The following BFAR variants were observed in gnomAD, a reference collection of about 807,000 sequenced individuals.
The protein encoded by BFAR is bifunctional apoptosis regulator.
In BFAR, 52 loss-of-function variants were observed where a neutral mutation model predicts 54.4. That is an observed-to-expected ratio of 0.96 (90% CI 0.77 to 1.21). The LOEUF is 1.21. Ranked by LOEUF, BFAR falls within the 50% of genes most tolerant of loss-of-function variation. BFAR has a pLI of 0.00. For missense variants in BFAR, 571 were observed against 534.0 expected (o/e 1.07, Z -0.68); for synonymous variants, 215 against 204.3 (o/e 1.05, Z -0.45).
At chr16:14,634,566 C>A (rs560604719) in intron 1 of BFAR, among the ~76,000 whole-genome samples, 1 of 152,312 alleles carries the variant, frequency 6.6e-6, no homozygotes, top group Non-Finnish European at 1.5e-5. Context: ...CCGCAGCTCA[C>A]GCCTGTAATC....
At chr16:14,653,658 T>TA (rs1266222249) in intron 4 of BFAR, among the ~76,000 whole-genome samples, 1 of 152,116 alleles carries the variant, frequency 6.6e-6, no homozygotes, top group East Asian at 1.9e-4. Flanking sequence ...GGAAAGCAGA[T>TA]ACGGGATCTC....
intron 5 of BFAR, among the ~76,000 whole-genome samples, chr16:14,659,855 T>G (rs1180587494): frequency 6.6e-6 from 1 of 152,188 alleles, no homozygotes; most frequent in African/African-American, 2.4e-5. Context: ...CCGGTCTCTA[T>G]AGTATACATT....
chr16:14,654,112 C>T (rs1056320420), intron 4 of BFAR, among the ~76,000 whole-genome samples: 1 of 149,292 alleles, frequency 6.7e-6, no homozygotes, highest in Non-Finnish European at 1.5e-5. Flanking sequence ...TCCGGGTTCA[C>T]GCCATTCTTC....
chr16:14,666,178 G>A (rs982749680), intron 7 of BFAR, among the ~76,000 whole-genome samples: 5 of 152,150 alleles, frequency 3.3e-5, no homozygotes, highest in African/African-American at 1.2e-4. Context: ...TGTTCTGATG[G>A]ACCCAGGCTT....
intron 5 of BFAR, among the ~76,000 whole-genome samples, chr16:14,660,343 A>G (rs1246495194): frequency 4.6e-5 from 7 of 152,078 alleles, no homozygotes; most frequent in East Asian, 3.9e-4. Flanking sequence ...CTGGATTTCA[A>G]TGGCAAGATC....
chr16:14,637,218 GT>G (rs971902330), intron 1 of BFAR, among the ~76,000 whole-genome samples: 2 of 149,594 alleles, frequency 1.3e-5, no homozygotes, highest in African/African-American at 4.9e-5. Context: ...ATGCTAGTTT[GT>G]TTTTCTCAGC....
chr16:14,667,404 C>T, intron 7 of BFAR: 2 of 485,766 alleles, frequency 4.1e-6, no homozygotes, highest in East Asian at 3.0e-5. Context: ...GAGGCTGTCA[C>T]AGGGAGGCCT....
At position 14,655,151 on chromosome 16, in the gene BFAR, G is replaced by A; in HGVS notation, c.724G>A (p.Glu242Lys). The part of the protein sequence containing the change: ...NSSHRRAILM[E>K]LERVKALGVK... ...CAGCCACAGGAGAGCCATCCTCATGGAGCTAGAACGTGTCAAAGCATTAGG... is the reference window on the plus strand; with the variant it reads ...CAGCCACAGGAGAGCCATCCTCATGAAGCTAGAACGTGTCAAAGCATTAGG... The change falls in exon 5 of 8, where the codon GAG becomes AAG. Residue 242 changes from glutamate (E) to lysine (K), a missense_variant. Transcript: ENST00000261658. 1 of 1,607,724 alleles carries A rather than the reference G, an allele frequency of 6.2e-7. No homozygotes were observed. The highest frequency in any genetic ancestry group is 1.1e-5 in the South Asian group (1 of 90,130).
At chr16:14,656,118 G>A (rs1404809798) in intron 5 of BFAR, among the ~76,000 whole-genome samples, 1 of 152,118 alleles carries the variant, frequency 6.6e-6, no homozygotes, top group African/African-American at 2.4e-5. Flanking sequence ...CAGGAGAAAT[G>A]CTTGAACCTG....
rs1959917849 is a variant in BFAR, at chr16:14,649,894, G to A, written c.559G>A (p.Val187Ile). 1 of 1,613,688 alleles carries A rather than the reference G, an allele frequency of 6.2e-7. No individual in the cohort carries two copies. The highest frequency in any genetic ancestry group is 8.5e-7 in the Non-Finnish European group (1 of 1,179,850). Reference protein sequence around the residue: ...KAVAKWTAEEVVLWLEQLGPW... With the variant: ...KAVAKWTAEEIVLWLEQLGPW... ...TGTGGCCAAATGGACGGCGGAAGAA[G>A]TTGTCCTCTGGCTGGAGCAGCTGGG... Residue 187 changes from valine to isoleucine, a missense_variant, in exon 4 of 8, where the codon GTT (valine) becomes ATT (isoleucine). By Grantham distance (29) the Val-to-Ile change is conservative (BLOSUM62 3). Transcript: ENST00000261658.
chr16:14,645,988 C>T (rs1039129239), intron 2 of BFAR, among the ~76,000 whole-genome samples: 5 of 152,138 alleles, frequency 3.3e-5, no homozygotes, highest in Non-Finnish European at 7.4e-5. Context: ...CCTGCCTCAG[C>T]CTCTGGAGTA....
intron 2 of BFAR, 113 bp downstream of exon 2, chr16:14,644,722 G>T: frequency 1.5e-6 from 2 of 1,314,822 alleles, no homozygotes; most frequent in Non-Finnish European, 2.1e-6. Flanking sequence ...GCCCAGGCTG[G>T]TCTCAAACTC....
At chr16:14,643,514 G>A (rs2151836740) in intron 1 of BFAR, among the ~76,000 whole-genome samples, 1 of 152,230 alleles carries the variant, frequency 6.6e-6, no homozygotes, top group Admixed American at 6.5e-5. Context: ...CTGATTATGT[G>A]GTTTATGGTA....
At chr16:14,649,399 AACCC>A (rs2151839242) in intron 3 of BFAR, among the ~76,000 whole-genome samples, 1 of 152,290 alleles carries the variant, frequency 6.6e-6, no homozygotes, top group Non-Finnish European at 1.5e-5. Flanking sequence ...CAGTCTTAAG[AACCC>A]ACCAGTTTAC....
chr16:14,637,051 C>T (rs1188042647), intron 1 of BFAR, among the ~76,000 whole-genome samples: 1 of 152,172 alleles, frequency 6.6e-6, no homozygotes, highest in African/African-American at 2.4e-5. Context: ...TCTCCTATGT[C>T]TATCTCTTTC....
chr16:14,668,050 C>T lies in BFAR; in HGVS notation c.*223C>T, dbSNP rs1960493816. 1 of 551,530 alleles carries T rather than the reference C, an allele frequency of 1.8e-6. No individual in the cohort carries two copies. Among genetic ancestry groups the T allele is most frequent in the Non-Finnish European group, 3.2e-6 (1 of 313,196 alleles). 34.2% of individuals were successfully genotyped at this position (551,530 alleles called of 1,614,324 possible). ...GGGAGGATTGTCTGTTTGGCTGACA[C>T]AGCAGCAGCCCTTCCCACCCAGCCA... On this transcript the variant is annotated 3_prime_UTR_variant, in exon 8 of 8. Transcript: ENST00000261658.
chr16:14,638,619 C>T (rs1959526710), intron 1 of BFAR, among the ~76,000 whole-genome samples: 1 of 152,182 alleles, frequency 6.6e-6, no homozygotes, highest in Non-Finnish European at 1.5e-5. Context: ...AGTTAACAAT[C>T]ATTACATCAC....
intron 4 of BFAR, 143 bp downstream of exon 4, chr16:14,650,116 G>A: frequency 1.3e-6 from 1 of 754,152 alleles, no homozygotes; most frequent in Non-Finnish European, 2.0e-6. Context: ...GAGGTCAGGA[G>A]TTCCAGACCA....
chr16:14,644,212 T>C, intron 1 of BFAR, 62 bp from the exon 2 acceptor site: 1 of 905,200 alleles, frequency 1.1e-6, no homozygotes, highest in Non-Finnish European at 1.7e-6. Flanking sequence ...AATACTTTTA[T>C]ATTAACTGCT....
Sources: allele counts gnomAD v4.1 joint callset (sites outside exome capture counted in the v4.1 genomes callset), GRCh38; gene constraint gnomAD v4.1.1; transcripts MANE v1.5; gene names NCBI Gene and HGNC (gene_info 2026-07-23, HGNC 2026-07-21).